Variants in ADAM29 observed in about 807,000 individuals in gnomAD.
ADAM29 encodes disintegrin and metalloproteinase domain-containing protein 29.
For missense variants in ADAM29, 969 were observed against 1,001.8 expected, an observed-to-expected ratio of 0.97 and a Z score of 0.44; for synonymous variants, 367 against 342.3, an observed-to-expected ratio of 1.07 and a Z score of -0.80.
At chr4:174,950,898 GTC>G (rs1394940751) in intron 4 of ADAM29, among the ~76,000 whole-genome samples, 4 of 152,014 alleles carry the variant, frequency 2.6e-5, no homozygotes, top group African/African-American at 2.4e-5. Context: ...TTCTCTCTTT[GTC>G]TCTCTCTCCT....
chr4:174,964,275 G>T (rs1306661992), intron 4 of ADAM29, among the ~76,000 whole-genome samples: 1 of 151,812 alleles, frequency 6.6e-6, no homozygotes, highest in African/African-American at 2.4e-5. Flanking sequence ...AGGCATCAAA[G>T]ATTGTATGTA....
intron 4 of ADAM29, among the ~76,000 whole-genome samples, chr4:174,946,922 C>T (rs1744880724): frequency 6.6e-6 from 1 of 152,100 alleles, no homozygotes; most frequent in African/African-American, 2.4e-5. Context: ...AATTTTGGAA[C>T]TCATTATTGG....
chr4:174,940,947 C>T (rs530142567), intron 4 of ADAM29, among the ~76,000 whole-genome samples: 1 of 152,038 alleles, frequency 6.6e-6, no homozygotes, highest in African/African-American at 2.4e-5. Context: ...TAAATGTATG[C>T]CATTAGTTAG....
intron 2 of ADAM29, among the ~76,000 whole-genome samples, chr4:174,929,911 G>A (rs1055328299): frequency 1.3e-5 from 2 of 150,880 alleles, no homozygotes; most frequent in African/African-American, 2.4e-5. Flanking sequence ...CGCATGCTAC[G>A]ACACCTGGCT....
At chr4:174,974,277 ATTG>A (rs1464326850) in intron 4 of ADAM29, among the ~76,000 whole-genome samples, 1 of 152,114 alleles carries the variant, frequency 6.6e-6, no homozygotes, top group Non-Finnish European at 1.5e-5. Flanking sequence ...TTTAGCTATT[ATTG>A]TTATTATTTT....
At chr4:174,939,921 TCTCCCTCTCTTCCTTCTACC>T (rs1353568764) in intron 4 of ADAM29, among the ~76,000 whole-genome samples, 4 of 152,012 alleles carry the variant, frequency 2.6e-5, no homozygotes, top group African/African-American at 9.7e-5. Flanking sequence ...CTTTCCTTTT[TCTCCCTCTCTTCCTTCTACC>T]CTCCCTCCCT....
At chr4:174,973,720 T>C (rs1238634812) in intron 4 of ADAM29, among the ~76,000 whole-genome samples, 3 of 152,196 alleles carry the variant, frequency 2.0e-5, no homozygotes, top group African/African-American at 7.2e-5. Context: ...CTTTTTTAAT[T>C]CTGAAGGGGT....
intron 4 of ADAM29, among the ~76,000 whole-genome samples, chr4:174,972,494 G>T (rs1458145893): frequency 1.3e-5 from 2 of 152,096 alleles, no homozygotes; most frequent in East Asian, 3.9e-4. Context: ...TTTATCCCAG[G>T]TGTCTAGACT....
intron 4 of ADAM29, among the ~76,000 whole-genome samples, chr4:174,965,691 T>A (rs1310953096): frequency 1.3e-5 from 2 of 152,142 alleles, no homozygotes; most frequent in Non-Finnish European, 2.9e-5. Flanking sequence ...AAAAAATGGT[T>A]TGCCTACCAC....
At chr4:174,965,754 C>T (rs1299838933) in intron 4 of ADAM29, among the ~76,000 whole-genome samples, 1 of 151,506 alleles carries the variant, frequency 6.6e-6, no homozygotes, top group Non-Finnish European at 1.5e-5. Context: ...GTGTCCTCAT[C>T]CTCTTATAAA....
At chr4:174,974,522 G>T (rs572990241) in intron 4 of ADAM29, among the ~76,000 whole-genome samples, 2 of 152,146 alleles carry the variant, frequency 1.3e-5, no homozygotes, top group South Asian at 2.1e-4. Context: ...TATTTAGAAC[G>T]AAGGATAAGG....
intron 4 of ADAM29, among the ~76,000 whole-genome samples, chr4:174,952,111 A>G (rs901165222): frequency 6.6e-6 from 1 of 152,212 alleles, no homozygotes; most frequent in Non-Finnish European, 1.5e-5. Flanking sequence ...GTATCAAAAC[A>G]TCATATTGTA....
chr4:174,945,143 C>T (rs1310455276), intron 4 of ADAM29, among the ~76,000 whole-genome samples: 4 of 152,120 alleles, frequency 2.6e-5, no homozygotes, highest in East Asian at 1.9e-4. Flanking sequence ...CCCTTTTCTT[C>T]ACAACCTTGC....
chr4:174,977,913 A>G lies in ADAM29; in HGVS notation c.2388A>G (p.Gln796=), dbSNP rs780841616. The G allele has an allele frequency of 9.4e-6, 15 of 1,591,770 alleles. No individual in the cohort carries two copies. The highest frequency in any genetic ancestry group is 1.3e-5 in the Non-Finnish European group (15 of 1,166,880). Residue 796 remains glutamine, a synonymous_variant, in exon 5 of 5, where the codon CAA becomes CAG. Coordinates refer to ENST00000359240, the MANE Select transcript of ADAM29 (RefSeq NM_014269.4). The stretch of plus-strand genomic sequence containing the variant: ...CTCAGTTGACGCCTTCCCAGAGTCA[A>G]CCTCCTGTGACACCCTCCCAGAGGC... ...SHPQLTPSQS[Q]PPVTPSQRQP...
intron 4 of ADAM29, among the ~76,000 whole-genome samples, chr4:174,951,740 T>C (rs1031785434): frequency 2.0e-5 from 3 of 152,192 alleles, no homozygotes; most frequent in Non-Finnish European, 2.9e-5. Context: ...TGAGTGGCCC[T>C]GCGCTCTCAA....
At chr4:174,949,594 G>A (rs1745055499) in intron 4 of ADAM29, among the ~76,000 whole-genome samples, 1 of 151,818 alleles carries the variant, frequency 6.6e-6, no homozygotes, top group Non-Finnish European at 1.5e-5. Context: ...ATTCAGCCCA[G>A]CATTTGTGTC....
chr4:174,964,904 A>G (rs757134418), intron 4 of ADAM29, among the ~76,000 whole-genome samples: 16 of 150,786 alleles, frequency 1.1e-4, no homozygotes, highest in Admixed American at 3.4e-4. Context: ...GTGAGTAGGC[A>G]AAAAAAATAA....
chr4:174,950,166 A>G (rs1010167493), intron 4 of ADAM29, among the ~76,000 whole-genome samples: 2 of 152,140 alleles, frequency 1.3e-5, no homozygotes, highest in African/African-American at 2.4e-5. Context: ...TTTTCTTTAC[A>G]TATCCCTCCA....
chr4:174,959,487 G>A (rs1745691975), intron 4 of ADAM29, among the ~76,000 whole-genome samples: 1 of 148,686 alleles, frequency 6.7e-6, no homozygotes, highest in South Asian at 2.1e-4. Flanking sequence ...GTGTGTGTTT[G>A]TGTGTTTGTG....
Sources: gnomAD v4.1 joint callset for allele counts (sites outside exome capture counted in the v4.1 genomes callset) on GRCh38, gnomAD v4.1.1 for gene constraint, MANE v1.5 for transcripts, NCBI Gene and HGNC (gene_info 2026-07-23, HGNC 2026-07-21) for gene names.